CAMK2D: variants seen among roughly 807,000 people sequenced by gnomAD.
CAMK2D encodes the protein calcium/calmodulin-dependent protein kinase type II subunit delta.
A neutral mutation model predicts 84.0 loss-of-function variants in CAMK2D; 37 were observed. The observed-to-expected ratio is 0.44, with a 90% CI of 0.34 to 0.58. CAMK2D has a LOEUF of 0.58. Among genes scored for constraint, CAMK2D ranks in the 20% least tolerant of loss-of-function variants. The probability of loss-of-function intolerance (pLI) is 0.02; values close to 1 mark genes in which losing one functional copy is unlikely to be tolerated. For synonymous variants in CAMK2D, 202 were observed against 212.5 expected, an observed-to-expected ratio of 0.95 and a Z score of 0.43; for missense variants, 448 against 652.5, an observed-to-expected ratio of 0.69 and a Z score of 3.41.
Position 113,585,387 on chromosome 4 carries a change from G to A in CAMK2D, c.275+23765C>T, listed in dbSNP as rs557819773. ...CTTCCCCAGCCTCATGTGTGTGCACGGACACAAACATACATACATACACAC... is the reference window on the plus strand; with the variant it reads ...CTTCCCCAGCCTCATGTGTGTGCACAGACACAAACATACATACATACACAC... On this transcript the variant is annotated intron_variant, in intron 4 of 20. Coordinates refer to ENST00000511664, the MANE Select transcript of CAMK2D (RefSeq NM_001321571.2). Among the ~76,000 whole-genome samples the A allele has an allele frequency of 1.1e-4, 17 of 151,954 alleles. No individual in the cohort carries two copies. In the East Asian group the frequency reaches 3.1e-3, roughly 28 times the overall value.
chr4:113,463,280 A>T (rs1200299019), intron 17 of CAMK2D, among the ~76,000 whole-genome samples: 1 of 152,180 alleles, frequency 6.6e-6, no homozygotes. Flanking sequence ...CAGGAAAAAA[A>T]TTCACACATA....
intron 4 of CAMK2D, among the ~76,000 whole-genome samples, chr4:113,595,511 A>G (rs556576029): frequency 2.0e-5 from 3 of 152,056 alleles, no homozygotes; most frequent in Admixed American, 6.6e-5. Context: ...CAGCAGTGAT[A>G]CAAGGGACAG....
intron 16 of CAMK2D, among the ~76,000 whole-genome samples, chr4:113,479,828 G>A (rs984251956): frequency 6.6e-6 from 1 of 152,084 alleles, no homozygotes; most frequent in African/African-American, 2.4e-5. Context: ...TCATGGGCCA[G>A]GAATTATACT....
At chr4:113,496,541 C>T (rs1048813734) in intron 16 of CAMK2D, among the ~76,000 whole-genome samples, 2 of 151,454 alleles carry the variant, frequency 1.3e-5, no homozygotes, top group East Asian at 1.9e-4. Flanking sequence ...CTCCACCCAC[C>T]GGGTTCAAGT....
intron 4 of CAMK2D, among the ~76,000 whole-genome samples, chr4:113,604,642 T>C (rs915467116): frequency 5.9e-5 from 9 of 152,226 alleles, no homozygotes; most frequent in Admixed American, 3.3e-4. Context: ...ACTTTTACCT[T>C]CTTCACTTTG....
chr4:113,546,161 T>C (rs1190435988), intron 6 of CAMK2D, among the ~76,000 whole-genome samples: 4 of 152,238 alleles, frequency 2.6e-5, no homozygotes, highest in South Asian at 4.1e-4. Flanking sequence ...AATAAATTTA[T>C]AGAAGTGTCT....
chr4:113,751,009 C>T (rs2099615889), intron 2 of CAMK2D, among the ~76,000 whole-genome samples: 1 of 152,016 alleles, frequency 6.6e-6, no homozygotes, highest in East Asian at 1.9e-4. Flanking sequence ...AACAGAGAAA[C>T]TGTGTCTCAA....
intron 2 of CAMK2D, among the ~76,000 whole-genome samples, chr4:113,723,413 G>A (rs886355301): frequency 6.6e-6 from 1 of 151,866 alleles, no homozygotes; most frequent in South Asian, 2.1e-4. Flanking sequence ...TAGTAGATAC[G>A]GGGTTTCATC....
chr4:113,576,423 C>T (rs1259572596), intron 4 of CAMK2D, among the ~76,000 whole-genome samples: 2 of 151,562 alleles, frequency 1.3e-5, no homozygotes, highest in Non-Finnish European at 2.9e-5. Flanking sequence ...AAAATGAAAG[C>T]AAAAAGAAGA....
chr4:113,568,719 T>C (rs571786528), intron 4 of CAMK2D, among the ~76,000 whole-genome samples: 3 of 152,324 alleles, frequency 2.0e-5, no homozygotes, highest in Non-Finnish European at 4.4e-5. Context: ...AACTTCTCTA[T>C]ATCCTGGCCA....
At chr4:113,745,476 A>G (rs2099602202) in intron 2 of CAMK2D, among the ~76,000 whole-genome samples, 1 of 152,138 alleles carries the variant, frequency 6.6e-6, no homozygotes. Flanking sequence ...TATTCATCAA[A>G]CCAGTTTGTA....
chr4:113,670,884 C>T (rs939393588), intron 2 of CAMK2D, among the ~76,000 whole-genome samples: 6 of 151,626 alleles, frequency 4.0e-5, no homozygotes, highest in Admixed American at 6.6e-5. Flanking sequence ...GCCAAGATCG[C>T]GCCACTGCAC....
At chr4:113,488,417 AGACCTTAGCGAT>A in intron 16 of CAMK2D, among the ~76,000 whole-genome samples, 1 of 152,318 alleles carries the variant, frequency 6.6e-6, no homozygotes, top group East Asian at 1.9e-4. Context: ...GTGGAAAATC[AGACCTTAGCGAT>A]GACCTTGAGC....
At chr4:113,709,881 TG>T (rs2099486531) in intron 2 of CAMK2D, among the ~76,000 whole-genome samples, 1 of 148,896 alleles carries the variant, frequency 6.7e-6, no homozygotes, top group South Asian at 2.1e-4. Flanking sequence ...GGTTTTAGAA[TG>T]GCATTTATTT....
intron 4 of CAMK2D, among the ~76,000 whole-genome samples, chr4:113,566,386 T>C (rs2154216684): frequency 6.6e-6 from 1 of 152,348 alleles, no homozygotes; most frequent in East Asian, 1.9e-4. Context: ...CAAATCATTG[T>C]CATTTTTTTT....
chr4:113,688,910 C>CAAAAAAAAAAAAAAAAAAAAAAAAAGA (rs34196728), intron 2 of CAMK2D, among the ~76,000 whole-genome samples: 1 of 49,716 alleles, frequency 2.0e-5, no homozygotes, highest in Admixed American at 2.8e-4. Context: ...AAAGAAGATG[C>CAAAAAAAAAAAAAAAAAAAAAAAAAGA]AAAAAAAAAA....
In CAMK2D at chr4:113,557,617, G is replaced by C. The variant is rs924838073; in HGVS notation, c.276-5521C>G. On this transcript the variant is annotated intron_variant, in intron 4 of 20. Coordinates refer to ENST00000511664, the MANE Select transcript of CAMK2D (RefSeq NM_001321571.2). ...TATGGAAATCTTAATAATGAATTCA[G>C]GGCTGTGCAAGCTGTGTTTTGCAGA... Among the ~76,000 whole-genome samples, 4 of 152,196 alleles carry C rather than the reference G, an allele frequency of 2.6e-5. 1 individual carries two copies. Among genetic ancestry groups the C allele is most frequent in the Admixed American group, 2.0e-4 (3 of 15,274 alleles).
At chr4:113,494,884 G>C (rs903469154) in intron 16 of CAMK2D, among the ~76,000 whole-genome samples, 2 of 152,228 alleles carry the variant, frequency 1.3e-5, no homozygotes, top group African/African-American at 4.8e-5. Flanking sequence ...CAGTATTCCG[G>C]TAGGAGTGAC....
chr4:113,535,972 C>T (rs1324898257), intron 7 of CAMK2D, among the ~76,000 whole-genome samples: 1 of 152,114 alleles, frequency 6.6e-6, no homozygotes, highest in South Asian at 2.1e-4. Context: ...TCTGTGATAG[C>T]CCCACTACTT....
Sources: gnomAD v4.1 joint callset for allele counts (sites outside exome capture counted in the v4.1 genomes callset) on GRCh38, gnomAD v4.1.1 for gene constraint, MANE v1.5 for transcripts, NCBI Gene and HGNC (gene_info 2026-07-23, HGNC 2026-07-21) for gene names.